The following PSTPIP2 variants were observed in gnomAD, a reference collection of about 807,000 sequenced individuals.
PSTPIP2 encodes proline-serine-threonine phosphatase-interacting protein 2.
A neutral mutation model predicts 63.3 loss-of-function variants in PSTPIP2; 33 were observed. The observed-to-expected ratio is 0.52, with a 90% CI of 0.40 to 0.70. The LOEUF (loss-of-function observed/expected upper bound fraction) is 0.70. PSTPIP2 is among the 30% of genes least tolerant of loss of function. PSTPIP2 has a pLI of 0.00. For synonymous variants in PSTPIP2, 125 were observed against 132.7 expected (o/e 0.94, Z 0.40); for missense variants, 312 against 400.7 (o/e 0.78, Z 1.89).
chr18:46,045,122 C>T (rs1908336632), intron 1 of PSTPIP2, among the ~76,000 whole-genome samples: 1 of 152,182 alleles, frequency 6.6e-6, no homozygotes, highest in South Asian at 2.1e-4. Flanking sequence ...GGATCTAGAA[C>T]TAGAAATACC....
At chr18:46,068,545 G>A (rs1321323979) in intron 1 of PSTPIP2, among the ~76,000 whole-genome samples, 2 of 151,630 alleles carry the variant, frequency 1.3e-5, no homozygotes, top group African/African-American at 4.8e-5. Context: ...TGATCCACCC[G>A]TCTCAGCCTC....
intron 5 of PSTPIP2, among the ~76,000 whole-genome samples, chr18:46,009,374 AAAAAAAAAAAAAAAAAAC>A (rs1442311319): frequency 7.6e-6 from 1 of 130,814 alleles, no homozygotes; most frequent in Non-Finnish European, 1.6e-5. Context: ...AAAAAAAAAA[AAAAAAAAAAAAAAAAAAC>A]CTAGCTAAAT....
intron 1 of PSTPIP2, among the ~76,000 whole-genome samples, chr18:46,062,809 C>G (rs899472043): frequency 6.6e-6 from 1 of 152,190 alleles, no homozygotes; most frequent in Middle Eastern, 3.4e-3. Flanking sequence ...GCCACCATCC[C>G]GGCAGGTAAA....
At chr18:45,995,765 G>A (rs963440870) in intron 9 of PSTPIP2, among the ~76,000 whole-genome samples, 13 of 152,284 alleles carry the variant, frequency 8.5e-5, no homozygotes, top group African/African-American at 2.6e-4. Context: ...GAAGAAGGGC[G>A]GGGGTAGTAG....
At chr18:45,996,439 C>T (rs1231300832) in intron 9 of PSTPIP2, among the ~76,000 whole-genome samples, 2 of 152,156 alleles carry the variant, frequency 1.3e-5, no homozygotes, top group Non-Finnish European at 2.9e-5. Context: ...TAACAAGTTC[C>T]CAGGTGATGC....
intron 6 of PSTPIP2, among the ~76,000 whole-genome samples, chr18:46,000,279 T>C (rs1372150700): frequency 1.3e-5 from 2 of 152,322 alleles, no homozygotes; most frequent in East Asian, 1.9e-4. Flanking sequence ...ACTCTAATTC[T>C]AACGAGGCCT....
chr18:46,049,895 A>C (rs182720880), intron 1 of PSTPIP2, among the ~76,000 whole-genome samples: 16 of 152,294 alleles, frequency 1.1e-4, no homozygotes, highest in African/African-American at 2.6e-4. Flanking sequence ...CAAAACAAAA[A>C]AAAAGAACAA....
At chr18:46,063,433 T>C (rs1909060208) in intron 1 of PSTPIP2, among the ~76,000 whole-genome samples, 1 of 152,172 alleles carries the variant, frequency 6.6e-6, no homozygotes, top group African/African-American at 2.4e-5. Context: ...ATATATCATT[T>C]TACAGATGAG....
intron 5 of PSTPIP2, among the ~76,000 whole-genome samples, chr18:46,007,714 T>C (rs1223283177): frequency 6.6e-6 from 1 of 152,232 alleles, no homozygotes; most frequent in East Asian, 1.9e-4. Context: ...AAGATCTATA[T>C]AACACTTGCT....
chr18:46,071,341 C>T (rs1909385814), intron 1 of PSTPIP2, among the ~76,000 whole-genome samples: 2 of 152,122 alleles, frequency 1.3e-5, no homozygotes. Context: ...GAGGACAGCT[C>T]CTCTGAATGA....
chr18:46,062,478 T>TAAAAAGAAAAAGAAA (rs149514172), intron 1 of PSTPIP2, among the ~76,000 whole-genome samples: 13 of 149,918 alleles, frequency 8.7e-5, no homozygotes, highest in South Asian at 2.1e-4. Flanking sequence ...CCATCTCTAC[T>TAAAAAGAAAAAGAAA]AAAAAGAAAA....
intron 5 of PSTPIP2, among the ~76,000 whole-genome samples, chr18:46,007,361 G>T (rs531912863): frequency 6.6e-6 from 1 of 152,242 alleles, no homozygotes; most frequent in Non-Finnish European, 1.5e-5. Context: ...TCAGGTGCCA[G>T]GTGCTGGCCA....
intron 1 of PSTPIP2, among the ~76,000 whole-genome samples, chr18:46,068,530 C>T (rs940221741): frequency 1.3e-5 from 2 of 151,682 alleles, no homozygotes; most frequent in African/African-American, 4.8e-5. Flanking sequence ...GATCTCCTGA[C>T]CTCGTGATCC....
chr18:46,033,487 G>A (rs575644185), intron 2 of PSTPIP2, among the ~76,000 whole-genome samples: 1 of 152,124 alleles, frequency 6.6e-6, no homozygotes, highest in South Asian at 2.1e-4. Context: ...CAGCTGAGGT[G>A]AGGAGTTCAA....
At chr18:46,055,884 T>G (rs1484102220) in intron 1 of PSTPIP2, among the ~76,000 whole-genome samples, 1 of 152,246 alleles carries the variant, frequency 6.6e-6, no homozygotes, top group African/African-American at 2.4e-5. Context: ...GAAAAATCAC[T>G]TTTAAAAGAG....
At chr18:45,998,647 T>C (rs1334302460) in intron 8 of PSTPIP2, 147 bp downstream of exon 8, 10 of 786,760 alleles carry the variant, frequency 1.3e-5, no homozygotes, top group Admixed American at 8.1e-5. Flanking sequence ...CTTCCTCCCT[T>C]TTTCCCTTCA....
intron 1 of PSTPIP2, among the ~76,000 whole-genome samples, chr18:46,065,964 A>G (rs914414860): frequency 1.3e-5 from 2 of 152,206 alleles, no homozygotes; most frequent in African/African-American, 4.8e-5. Flanking sequence ...ATAGGATTAT[A>G]ATTATGCATG....
At chr18:46,008,843 G>A (rs574330176) in intron 5 of PSTPIP2, among the ~76,000 whole-genome samples, 86 of 152,158 alleles carry the variant, frequency 5.7e-4, no homozygotes, top group African/African-American at 1.9e-3. Context: ...TGTCAATACC[G>A]CTGAGAATGG....
At chr18:46,070,709 A>C (rs955429073) in intron 1 of PSTPIP2, among the ~76,000 whole-genome samples, 1 of 151,942 alleles carries the variant, frequency 6.6e-6, no homozygotes, top group Non-Finnish European at 1.5e-5. Flanking sequence ...AGAGACAGAC[A>C]GAGTCTCACT....
Sources: gnomAD v4.1 joint callset for allele counts (sites outside exome capture counted in the v4.1 genomes callset) on GRCh38, gnomAD v4.1.1 for gene constraint, MANE v1.5 for transcripts, NCBI Gene and HGNC (gene_info 2026-07-23, HGNC 2026-07-21) for gene names.